The following GALNT17 variants were observed in gnomAD, a reference collection of about 807,000 sequenced individuals.
GALNT17 encodes UDP-GalNAc:polypeptide N-acetylgalactosaminyltransferase-like 3.
A neutral mutation model predicts 63.7 loss-of-function variants in GALNT17; 29 were observed. The observed-to-expected ratio is 0.46, with a 90% CI of 0.34 to 0.62. The LOEUF is 0.62. GALNT17 is among the 20% of genes least tolerant of loss of function. The pLI, the probability that GALNT17 is intolerant of heterozygous loss-of-function variation, is 0.01. For synonymous variants in GALNT17, 305 were observed against 318.3 expected, an observed-to-expected ratio of 0.96 and a Z score of 0.45; for missense variants, 603 against 799.6, an observed-to-expected ratio of 0.75 and a Z score of 2.97.
At chr7:71,668,909 C>T (rs1231877768) in intron 7 of GALNT17, among the ~76,000 whole-genome samples, 13 of 151,926 alleles carry the variant, frequency 8.6e-5, no homozygotes, top group Admixed American at 7.9e-4. Flanking sequence ...TAATGAACTT[C>T]GCAAAGAGCC....
chr7:71,649,803 G>A (rs1562722545), intron 6 of GALNT17, among the ~76,000 whole-genome samples: 1 of 152,200 alleles, frequency 6.6e-6, no homozygotes, highest in Non-Finnish European at 1.5e-5. Context: ...CCTGATCAAT[G>A]TCTAACCATA....
chr7:71,336,516 C>CCTCAAG (rs1791910761), intron 2 of GALNT17, among the ~76,000 whole-genome samples: 1 of 152,156 alleles, frequency 6.6e-6, no homozygotes, highest in Admixed American at 6.5e-5. Flanking sequence ...TTCAAGTAGG[C>CCTCAAG]CTCATGTCTA....
At chr7:71,468,007 G>C (rs1787565391) in intron 5 of GALNT17, among the ~76,000 whole-genome samples, 1 of 152,054 alleles carries the variant, frequency 6.6e-6, no homozygotes, top group South Asian at 2.1e-4. Context: ...GTATGGTCTA[G>C]GGCATTCTTT....
rs200728353 is a variant in GALNT17, at chr7:71,217,139, T to TG, written c.238+84100dup. On this transcript the variant is annotated intron_variant, in intron 1 of 10. Coordinates refer to ENST00000333538, the MANE Select transcript of GALNT17 (RefSeq NM_022479.3). ...CCACCATGCACAGCTAATTTTTTCG[T>TG]GTTTTGTTTTTTTTTTTTTTTTTTT... Among the ~76,000 whole-genome samples, 958 of 138,630 alleles carry TG rather than the reference T, an allele frequency of 6.9e-3. 17 individuals are homozygous for TG. Among genetic ancestry groups the TG allele is most frequent in the African/African-American group, 0.026 (920 of 35,328 alleles). The allele number at this position is 138,630 out of a possible 152,430, so 90.9% of individuals were successfully genotyped here. A position where few individuals can be genotyped will look rare whatever the true frequency, so the allele number is the denominator to read the frequency against.
intron 5 of GALNT17, among the ~76,000 whole-genome samples, chr7:71,435,487 T>C (rs1281555106): frequency 6.6e-6 from 1 of 152,176 alleles, no homozygotes; most frequent in East Asian, 1.9e-4. Context: ...GCTACAAGCT[T>C]CTGACCCTCC....
chr7:71,621,018 G>T (rs73371219), intron 6 of GALNT17, among the ~76,000 whole-genome samples: 6,170 of 152,244 alleles, frequency 0.041, 194 homozygotes, highest in African/African-American at 0.083. Context: ...CAGGATATGG[G>T]TCTGAGATTA....
intron 2 of GALNT17, among the ~76,000 whole-genome samples, chr7:71,342,050 G>C (rs902929119): frequency 1.3e-5 from 2 of 152,130 alleles, no homozygotes; most frequent in African/African-American, 4.8e-5. Flanking sequence ...TTAACTCCTC[G>C]TTCAAAAAGC....
intron 9 of GALNT17, among the ~76,000 whole-genome samples, chr7:71,685,091 C>T (rs1024852517): frequency 2.6e-5 from 4 of 152,122 alleles, no homozygotes; most frequent in Admixed American, 1.3e-4. Context: ...CTGGTGAATT[C>T]TGGAGAGCAC....
chr7:71,348,275 A>G (rs947600946), intron 2 of GALNT17, among the ~76,000 whole-genome samples: 1 of 151,836 alleles, frequency 6.6e-6, no homozygotes, highest in Non-Finnish European at 1.5e-5. Context: ...AAAAAAAAAG[A>G]AATGGATGCT....
chr7:71,533,386 T>C (rs1265656840), intron 5 of GALNT17, among the ~76,000 whole-genome samples: 1 of 152,162 alleles, frequency 6.6e-6, no homozygotes, highest in Non-Finnish European at 1.5e-5. Context: ...AGAGCTAAAA[T>C]CTTTCCTTGA....
At position 71,339,082 on chromosome 7, in the gene GALNT17, C is replaced by T. The variant is rs528113787; in HGVS notation, c.422+3349C>T. On this transcript the variant is annotated intron_variant, in intron 2 of 10. Coordinates refer to ENST00000333538, the MANE Select transcript of GALNT17 (RefSeq NM_022479.3). ...TAGGACATTGGCAAATAAACATGGC[C>T]CTATTTTTTTGTACTTCTATAAGAA... 5.9e-5 allele frequency among the ~76,000 whole-genome samples: 9 copies of T among 152,212 alleles called. 2 individuals are homozygous for T. The South Asian group carries it at 1.0e-3, about 18-fold the overall frequency.
At chr7:71,562,386 T>C (rs1398860806) in intron 5 of GALNT17, among the ~76,000 whole-genome samples, 1 of 152,192 alleles carries the variant, frequency 6.6e-6, no homozygotes, top group Non-Finnish European at 1.5e-5. Context: ...GAAATCATTA[T>C]TATTACATTG....
chr7:71,274,405 G>A (rs150333497), intron 1 of GALNT17, among the ~76,000 whole-genome samples: 6 of 152,176 alleles, frequency 3.9e-5, no homozygotes, highest in African/African-American at 1.4e-4. Context: ...TCAGCCTCCT[G>A]AGTAGCTGGG....
At chr7:71,216,514 G>A (rs766031764) in intron 1 of GALNT17, among the ~76,000 whole-genome samples, 8 of 151,826 alleles carry the variant, frequency 5.3e-5, no homozygotes, top group Non-Finnish European at 1.0e-4. Flanking sequence ...GGTAATGTGC[G>A]CTTCTTACAA....
At position 71,617,616 on chromosome 7, in the gene GALNT17, T is replaced by TTTTG. The variant is rs199901403; in HGVS notation, c.1080+46254_1080+46257dup. On this transcript the variant is annotated intron_variant, in intron 6 of 10. Transcript: ENST00000333538. ...TTTACAGGCATGAGCAACTGGCTGC[T>TTTTG]TTTGTTTGTTTGTTTGTTTGTTTGT... is the stretch of plus-strand genomic sequence containing the variant. 7.1e-3 allele frequency among the ~76,000 whole-genome samples: 1,037 copies of TTTTG among 146,594 alleles called. 11 individuals are homozygous for TTTTG. Among genetic ancestry groups the TTTTG allele is most frequent in the East Asian group, 0.018 (88 of 4,794 alleles).
At chr7:71,537,319 C>A (rs1461259375) in intron 5 of GALNT17, among the ~76,000 whole-genome samples, 1 of 152,094 alleles carries the variant, frequency 6.6e-6, no homozygotes, top group Non-Finnish European at 1.5e-5. Context: ...TGAATGGTGG[C>A]CCCTGCAAGG....
chr7:71,631,327 G>A (rs1790450264), intron 6 of GALNT17, among the ~76,000 whole-genome samples: 1 of 151,796 alleles, frequency 6.6e-6, no homozygotes, highest in South Asian at 2.1e-4. Flanking sequence ...TGAGTAGCTG[G>A]TACTGATGGA....
chr7:71,212,841 C>A (rs1343529022), intron 1 of GALNT17, among the ~76,000 whole-genome samples: 1 of 151,674 alleles, frequency 6.6e-6, no homozygotes, highest in Non-Finnish European at 1.5e-5. Flanking sequence ...CTCTATTTAC[C>A]CAATACCTGT....
Position 71,677,284 on chromosome 7 carries a change from C to G in GALNT17, c.1478C>G (p.Pro493Arg), listed in dbSNP as rs150357870. Residue 493 changes from proline (P) to arginine (R), a missense_variant, in exon 9 of 11, where the codon CCG (proline) becomes CGG (arginine). By Grantham distance (103) the Pro-to-Arg change is moderately radical. This residue lies in a region of GALNT17 where 336 missense variants were observed against 507.8 expected (regional missense o/e 0.66). Coordinates refer to ENST00000333538, the MANE Select transcript of GALNT17 (RefSeq NM_022479.3). Reference sequence around the variant, plus strand: ...GAGAACCACACAGCAATATTGTATCCGTGCCATGGCTGGGGACCACAGGTA... The same window carrying G: ...GAGAACCACACAGCAATATTGTATCGGTGCCATGGCTGGGGACCACAGGTA... Reference protein sequence around the residue: ...PLENHTAILYPCHGWGPQLAR... With the variant: ...PLENHTAILYRCHGWGPQLAR... 2 of 1,613,878 alleles carry G rather than the reference C, an allele frequency of 1.2e-6. No homozygotes were observed. Among genetic ancestry groups the G allele is most frequent in the Non-Finnish European group, 1.7e-6 (2 of 1,179,924 alleles).
Sources: allele counts gnomAD v4.1 joint callset (sites outside exome capture counted in the v4.1 genomes callset), GRCh38; gene constraint gnomAD v4.1.1; regional missense constraint gnomAD v4.1.1; transcripts MANE v1.5; gene names NCBI Gene and HGNC (gene_info 2026-07-23, HGNC 2026-07-21).